CYLD: variants seen among roughly 807,000 people sequenced by gnomAD.
CYLD encodes the protein ubiquitin carboxyl-terminal hydrolase CYLD.
Under a neutral mutation model 104.5 loss-of-function variants are expected in CYLD, and 26 were observed. That is an observed-to-expected ratio of 0.25 (90% CI 0.18 to 0.35). The LOEUF is 0.35. Among genes scored for constraint, CYLD ranks in the 10% least tolerant of loss-of-function variants. The pLI, the probability that CYLD is intolerant of heterozygous loss-of-function variation, is 1.00. For missense variants in CYLD, 703 were observed against 1,136.1 expected (o/e 0.62, Z 5.48); for synonymous variants, 385 against 399.9 (o/e 0.96, Z 0.45).
At chr16:50,783,634 G>C (rs1489176977) in intron 11 of CYLD, among the ~76,000 whole-genome samples, 1 of 152,090 alleles carries the variant, frequency 6.6e-6, no homozygotes, top group Non-Finnish European at 1.5e-5. Context: ...CACCTCCCGG[G>C]TTCAAGCGAT....
chr16:50,744,520 T>A (rs1036916108), intron 2 of CYLD, among the ~76,000 whole-genome samples: 2 of 152,240 alleles, frequency 1.3e-5, no homozygotes, highest in Non-Finnish European at 2.9e-5. Flanking sequence ...TTTATTCTAA[T>A]TTAAATAGCT....
At chr16:50,754,494 A>G (rs757598419) in intron 5 of CYLD, 70 bp downstream of exon 5, 11 of 1,048,008 alleles carry the variant, frequency 1.0e-5, no homozygotes, top group Admixed American at 4.1e-5. Flanking sequence ...TTTTATATCA[A>G]TATGTTTTGG....
At chr16:50,778,856 T>TTA (rs1969939458) in intron 8 of CYLD, among the ~76,000 whole-genome samples, 1 of 152,104 alleles carries the variant, frequency 6.6e-6, no homozygotes, top group African/African-American at 2.4e-5. Flanking sequence ...AATTTTTTTT[T>TTA]AAAAATATGG....
chr16:50,749,896 GA>G lies in CYLD; in HGVS notation c.203del (p.Asn68IlefsTer5). ...CAAGGATTCCTTCTGCAAAAGGCAA[GA>G]AAAATCAGATTGGATTAAAAATTCT... ...HSRIPSAKGK[K>X]NQIGLKILEQ... On this transcript the variant is annotated frameshift_variant, in exon 3 of 19. Transcript: ENST00000427738. LOFTEE classifies it high-confidence loss of function. 6.2e-7 allele frequency: 1 copy of G among 1,614,126 alleles called. No homozygotes were observed. The highest frequency in any genetic ancestry group is 8.5e-7 in the Non-Finnish European group (1 of 1,180,014).
chr16:50,754,142 A>G (rs1203201818), intron 4 of CYLD, among the ~76,000 whole-genome samples, 177 bp from the exon 5 acceptor site: 1 of 152,234 alleles, frequency 6.6e-6, no homozygotes, highest in Non-Finnish European at 1.5e-5. Flanking sequence ...AAACCAATGA[A>G]AAAAGCAAAA....
rs374624194 is a variant in CYLD at position 50,749,754 on chromosome 16, G to A, written c.56G>A (p.Arg19Gln). ...GTCACTTCACCCTACTGGGAAGAGC[G>A]GATTTTTTACTTGCTTCTTCAAGAA... ...EKVTSPYWEE[R>Q]IFYLLLQECS... The change falls in exon 3 of 19, where the codon CGG becomes CAG. Residue 19 changes from arginine to glutamine, a missense_variant. This residue lies in a region of CYLD where 142 missense variants were observed against 165.1 expected (regional missense o/e 0.86). Coordinates refer to ENST00000427738, the MANE Select transcript of CYLD (RefSeq NM_001378743.1). 4.4e-5 allele frequency: 71 copies of A among 1,613,588 alleles called. No individual in the cohort carries two copies. Among genetic ancestry groups the A allele is most frequent in the Non-Finnish European group, 5.2e-5 (61 of 1,179,942 alleles).
At chr16:50,795,328 A>T (rs1971919165) in intron 18 of CYLD, among the ~76,000 whole-genome samples, 1 of 152,180 alleles carries the variant, frequency 6.6e-6, no homozygotes, top group African/African-American at 2.4e-5. Flanking sequence ...TGAAGTGGGG[A>T]ATAGGCTGCA....
chr16:50,765,733 A>G (rs1343803625), intron 5 of CYLD, among the ~76,000 whole-genome samples: 2 of 152,224 alleles, frequency 1.3e-5, no homozygotes, highest in Non-Finnish European at 2.9e-5. Flanking sequence ...ATAAAAAAGC[A>G]AAACAGCCTT....
At position 50,742,671 on chromosome 16, in the gene CYLD, C is replaced by T. The variant is rs1020482208; in HGVS notation, c.-203-91C>T. On this transcript the variant is annotated intron_variant, in intron 1 of 18. Transcript: ENST00000427738. ...CGACCGCGCCGCGGGGCGTACGTAC[C>T]GATCGATTTTGCGGGTGTTGGTGGC... 1.1e-4 allele frequency: 43 copies of T among 395,958 alleles called. No individual in the cohort carries two copies. In the East Asian group the frequency reaches 1.5e-3, roughly 14 times the overall value. 24.5% of individuals were successfully genotyped at this position (395,958 alleles called of 1,614,324 possible).
At chr16:50,742,427 T>A in intron 1 of CYLD, 5 of 186,218 alleles carry the variant, frequency 2.7e-5, no homozygotes, top group African/African-American at 2.4e-5. Flanking sequence ...GGCTTCCCCA[T>A]CCCCCGAGGC....
intron 11 of CYLD, among the ~76,000 whole-genome samples, chr16:50,782,915 GA>G (rs1970377638): frequency 1.9e-5 from 2 of 103,576 alleles, no homozygotes; most frequent in Non-Finnish European, 4.0e-5. Context: ...AACAACTTAA[GA>G]TTTTTTTTTT....
intron 5 of CYLD, among the ~76,000 whole-genome samples, chr16:50,757,698 G>A (rs1305435071): frequency 1.3e-5 from 2 of 151,928 alleles, no homozygotes; most frequent in Non-Finnish European, 2.9e-5. Flanking sequence ...CACCACGCCC[G>A]GCTAATGTTT....
intron 2 of CYLD, among the ~76,000 whole-genome samples, chr16:50,749,229 AAAAAGTT>A (rs1264958950): frequency 1.3e-5 from 2 of 152,206 alleles, no homozygotes; most frequent in Admixed American, 1.3e-4. Context: ...AATAAATTAA[AAAAAGTT>A]AGAATATGTA....
intron 4 of CYLD, among the ~76,000 whole-genome samples, chr16:50,753,154 A>G (rs996984094): frequency 6.6e-6 from 1 of 152,232 alleles, no homozygotes; most frequent in African/African-American, 2.4e-5. Context: ...CTCATTGGTT[A>G]GTTACTAAAC....
At chr16:50,793,494 A>G (rs1318695790) in intron 16 of CYLD, 52 bp from the exon 17 acceptor site, 1 of 1,173,724 alleles carries the variant, frequency 8.5e-7, no homozygotes, top group Admixed American at 1.7e-5. Context: ...TCATGAAAGA[A>G]TGCATTTTTT....
chr16:50,788,670 G>A (rs1182469244), intron 14 of CYLD, among the ~76,000 whole-genome samples: 1 of 152,160 alleles, frequency 6.6e-6, no homozygotes, highest in Admixed American at 6.5e-5. Flanking sequence ...TCTGTTCAAA[G>A]ATGATAATAG....
intron 2 of CYLD, among the ~76,000 whole-genome samples, chr16:50,748,454 G>A (rs1966376543): frequency 6.6e-6 from 1 of 152,106 alleles, no homozygotes; most frequent in Admixed American, 6.5e-5. Context: ...AGGCCAAGGT[G>A]GGAGGATCAT....
At chr16:50,792,539 A>C (rs1438146240) in intron 15 of CYLD, 58 bp from the exon 16 acceptor site, 1 of 1,277,906 alleles carries the variant, frequency 7.8e-7, no homozygotes, top group African/African-American at 1.5e-5. Context: ...TTTTGGTTTC[A>C]TAGGGAAAAG....
chr16:50,761,175 A>G (rs975564206), intron 5 of CYLD, among the ~76,000 whole-genome samples: 1 of 152,102 alleles, frequency 6.6e-6, no homozygotes, highest in African/African-American at 2.4e-5. Flanking sequence ...TTAGGGTGGC[A>G]AACTCTTCTG....
Sources: gnomAD v4.1 joint callset for allele counts (sites outside exome capture counted in the v4.1 genomes callset) on GRCh38, gnomAD v4.1.1 for gene constraint, gnomAD v4.1.1 regional missense constraint, MANE v1.5 for transcripts, NCBI Gene and HGNC (gene_info 2026-07-23, HGNC 2026-07-21) for gene names.